The following KIAA0753 variants were observed in gnomAD, a reference collection of about 807,000 sequenced individuals.
The protein encoded by KIAA0753 is KIAA0753.
Under a neutral mutation model 116.9 loss-of-function variants are expected in KIAA0753, and 114 were observed. The observed-to-expected ratio is 0.98, with a 90% CI of 0.84 to 1.14. The LOEUF (loss-of-function observed/expected upper bound fraction) is 1.14, where lower values mean the gene tolerates loss of function less well. Ranked by LOEUF, KIAA0753 falls within the 50% of genes most tolerant of loss-of-function variation. The pLI, the probability that KIAA0753 is intolerant of heterozygous loss-of-function variation, is 0.00. For missense variants in KIAA0753, 1,156 were observed against 1,172.4 expected (o/e 0.99, Z 0.20); for synonymous variants, 405 against 413.1 (o/e 0.98, Z 0.24).
chr17:6,592,269 T>C (rs1403405458), intron 16 of KIAA0753, among the ~76,000 whole-genome samples: 1 of 152,200 alleles, frequency 6.6e-6, no homozygotes, highest in Non-Finnish European at 1.5e-5. Context: ...GGGAGTACTT[T>C]TTCTAACACG....
rs1462747578 is a variant in KIAA0753 at position 6,635,149 on chromosome 17, AAC to A, written c.-48_-47del. The stretch of plus-strand genomic sequence containing the variant: ...AATAGTGACAGCCTTGTCATCCGGC[AAC>A]AGTCTTCCCTAAAACCATTCCTAAA... On this transcript the variant is annotated 5_prime_UTR_variant, in exon 2 of 19. It removes the in-frame stop codon of an upstream open reading frame in the 5' UTR. Transcript: ENST00000361413. 4 of 1,382,186 alleles carry A rather than the reference AAC, an allele frequency of 2.9e-6. No individual in the cohort carries two copies. Among genetic ancestry groups the A allele is most frequent in the East Asian group, 2.3e-5 (1 of 43,802 alleles). The allele number at this position is 1,382,186 out of a possible 1,614,324, so 85.6% of individuals were successfully genotyped here. A position where few individuals can be genotyped will look rare whatever the true frequency, so the allele number is the denominator to read the frequency against.
At chr17:6,600,798 G>C (rs1969815172) in intron 12 of KIAA0753, 2 of 188,292 alleles carry the variant, frequency 1.1e-5, no homozygotes, top group South Asian at 2.0e-4. Flanking sequence ...AGCTAAAGAG[G>C]GTAATCAACT....
intron 2 of KIAA0753, chr17:6,634,768 G>C: frequency 2.3e-6 from 1 of 438,382 alleles, no homozygotes; most frequent in South Asian, 2.7e-5. Context: ...TGATTAAGTA[G>C]GAGAGTTCAT....
chr17:6,596,443 A>G (rs1225842935), intron 14 of KIAA0753, 100 bp from the exon 15 acceptor site: 1 of 951,960 alleles, frequency 1.1e-6, no homozygotes, highest in African/African-American at 1.6e-5. Context: ...ATTGTTAATC[A>G]TAATAAACCA....
chr17:6,611,162 A>T (rs1832230977), intron 8 of KIAA0753, among the ~76,000 whole-genome samples: 2 of 152,256 alleles, frequency 1.3e-5, no homozygotes, highest in African/African-American at 2.4e-5. Context: ...AGTTTTAAAC[A>T]GAAGCTTAAA....
chr17:6,599,414 C>T, intron 13 of KIAA0753, 94 bp from the exon 14 acceptor site: 1 of 861,582 alleles, frequency 1.2e-6, no homozygotes, highest in Non-Finnish European at 1.9e-6. Context: ...TTGTGTGGAA[C>T]TATTCATCAG....
intron 12 of KIAA0753, among the ~76,000 whole-genome samples, chr17:6,606,621 A>C (rs998684732): frequency 2.0e-5 from 3 of 152,212 alleles, no homozygotes; most frequent in Admixed American, 2.0e-4. Flanking sequence ...CCAAACAAAT[A>C]CACATAAGAC....
intron 2 of KIAA0753, among the ~76,000 whole-genome samples, chr17:6,632,325 A>G (rs1401657007): frequency 6.6e-6 from 1 of 152,232 alleles, no homozygotes; most frequent in African/African-American, 2.4e-5. Flanking sequence ...ATCAAAATAA[A>G]TATCTGCACA....
chr17:6,599,319 C>T lies in KIAA0753; in HGVS notation c.2090G>A (p.Arg697Lys), dbSNP rs767229503. Residue 697 changes from arginine to lysine, a missense_variant and splice_region_variant, in exon 14 of 19, where the codon AGA becomes AAA. Coordinates refer to ENST00000361413, the MANE Select transcript of KIAA0753 (RefSeq NM_014804.3). ...RLKPLLVKAQ[R>K]VNSTTEANIH... ...ATTTGCTTCTGTAGTAGAATTGACT[C>T]TCTATTAAAACAGACAAATACATTC... 2 of 1,605,278 alleles carry T rather than the reference C, an allele frequency of 1.2e-6. No individual in the cohort carries two copies. The highest frequency in any genetic ancestry group is 2.2e-5 in the East Asian group (1 of 44,840).
intron 1 of KIAA0753, chr17:6,638,257 C>A (rs1345651492): frequency 6.6e-6 from 1 of 152,576 alleles, no homozygotes; most frequent in Non-Finnish European, 1.5e-5. Context: ...CAGCTCCTCC[C>A]GAGCCACGGG....
intron 12 of KIAA0753, chr17:6,601,113 G>A (rs1175296129): frequency 1.3e-5 from 2 of 152,458 alleles, no homozygotes; most frequent in Non-Finnish European, 2.9e-5. Flanking sequence ...TTGTACTGCT[G>A]ACTTAGGCAC....
Position 6,628,158 on chromosome 17 carries a change from A to G in KIAA0753, c.677T>C (p.Leu226Pro), listed in dbSNP as rs749796178. The G allele has an allele frequency of 3.7e-6, 6 of 1,614,008 alleles. No homozygotes were observed. In the South Asian group the frequency reaches 6.6e-5, roughly 18 times the overall value. Reference protein sequence around the residue: ...LLEVQRLQKELSSCIHKIEEV... With the variant: ...LLEVQRLQKEPSSCIHKIEEV... ...TTCAATTTTGTGGATACAACTGCTC[A>G]GTTCTTTCTGGAGTCGCTGGACTTC... The change falls in exon 3 of 19, where the codon CTG (leucine) becomes CCG (proline). Residue 226 changes from leucine to proline, a missense_variant. Transcript: ENST00000361413.
chr17:6,601,555 C>G (rs916430580), intron 12 of KIAA0753, among the ~76,000 whole-genome samples: 5 of 152,186 alleles, frequency 3.3e-5, no homozygotes, highest in Non-Finnish European at 5.9e-5. Context: ...CCTTAACAAA[C>G]AGTCCAGGTG....
Position 6,589,789 on chromosome 17 carries a change from T to A in KIAA0753, c.2776A>T (p.Ile926Leu), listed in dbSNP as rs564999768. 6.2e-7 allele frequency: 1 copy of A among 1,601,190 alleles called. No individual in the cohort carries two copies. Among genetic ancestry groups the A allele is most frequent in the South Asian group, 1.1e-5 (1 of 88,430 alleles). ...EAVGSFNPWL[I>L]AESFSEELVD... is the part of the protein sequence containing the mutation. ...TAACATTTTACTGACCTTTCAGCTA[T>A]CAGCCACGGGTTGAAGGAGCCTACA... The change falls in exon 18 of 19, where the codon ATA becomes TTA. Residue 926 changes from isoleucine to leucine, a missense_variant. Ile to Leu is a conservative substitution (Grantham distance 5, BLOSUM62 2). Transcript: ENST00000361413.
intron 18 of KIAA0753, among the ~76,000 whole-genome samples, chr17:6,586,188 C>T (rs1416872993): frequency 6.6e-6 from 1 of 152,148 alleles, no homozygotes; most frequent in African/African-American, 2.4e-5. Context: ...TTGTCTTCTG[C>T]CATGACGGTA....
intron 7 of KIAA0753, among the ~76,000 whole-genome samples, chr17:6,612,400 T>TA (rs1884171779): frequency 6.6e-6 from 1 of 152,228 alleles, no homozygotes; most frequent in Admixed American, 6.5e-5. Context: ...CCTTTGATCC[T>TA]AATTTTAAAA....
intron 7 of KIAA0753, among the ~76,000 whole-genome samples, chr17:6,619,348 AG>A (rs1389995527): frequency 6.6e-6 from 1 of 152,144 alleles, no homozygotes; most frequent in Non-Finnish European, 1.5e-5. Context: ...CCTGGATAGT[AG>A]TTATACAGAT....
At chr17:6,593,365 T>C (rs1252009207) in intron 16 of KIAA0753, among the ~76,000 whole-genome samples, 1 of 152,210 alleles carries the variant, frequency 6.6e-6, no homozygotes, top group Non-Finnish European at 1.5e-5. Flanking sequence ...GGCTCACACC[T>C]GGAATCCCAG....
At chr17:6,590,729 G>T in intron 16 of KIAA0753, 99 bp from the exon 17 acceptor site, 1 of 1,315,914 alleles carries the variant, frequency 7.6e-7, no homozygotes. Flanking sequence ...AAGTTACATG[G>T]ACATCTCTTA....
Sources: allele counts gnomAD v4.1 joint callset (sites outside exome capture counted in the v4.1 genomes callset), GRCh38; gene constraint gnomAD v4.1.1; transcripts MANE v1.5; gene names NCBI Gene and HGNC (gene_info 2026-07-23, HGNC 2026-07-21).